ACBD6: variants seen among roughly 807,000 people sequenced by gnomAD.
ACBD6 encodes acyl-CoA-binding domain-containing protein 6.
In ACBD6, 28 loss-of-function variants were observed where a neutral mutation model predicts 37.2. The ratio of observed to expected loss-of-function variants is 0.75; its 90% CI spans 0.56 to 1.03. The LOEUF is 1.03. ACBD6 is among the 50% of genes least tolerant of loss of function. ACBD6 has a pLI of 0.00. For missense variants in ACBD6, 340 were observed against 337.4 expected (o/e 1.01, Z -0.06); for synonymous variants, 113 against 126.8 (o/e 0.89, Z 0.73).
At chr1:180,405,336 G>C (rs1227356206) in intron 5 of ACBD6, among the ~76,000 whole-genome samples, 5 of 152,188 alleles carry the variant, frequency 3.3e-5, no homozygotes, top group Admixed American at 3.3e-4. Flanking sequence ...GTAGTCAAGA[G>C]AAAGGTGACT....
At chr1:180,474,311 T>C (rs946136291) in intron 3 of ACBD6, among the ~76,000 whole-genome samples, 3 of 152,142 alleles carry the variant, frequency 2.0e-5, no homozygotes, top group Non-Finnish European at 4.4e-5. Context: ...TATATTAGAA[T>C]AGCTTAAATA....
chr1:180,447,097 T>C (rs1223142618), intron 3 of ACBD6, among the ~76,000 whole-genome samples: 1 of 152,194 alleles, frequency 6.6e-6, no homozygotes, highest in South Asian at 2.1e-4. Flanking sequence ...TCTAGAAATG[T>C]TGCATAAATG....
intron 3 of ACBD6, among the ~76,000 whole-genome samples, chr1:180,491,746 C>A (rs1651509063): frequency 6.6e-6 from 1 of 152,210 alleles, no homozygotes; most frequent in Non-Finnish European, 1.5e-5. Flanking sequence ...TTCAAAAACT[C>A]TGCAACTCAG....
chr1:180,487,437 CT>C (rs1349200395), intron 3 of ACBD6, among the ~76,000 whole-genome samples: 1 of 152,172 alleles, frequency 6.6e-6, no homozygotes, highest in African/African-American at 2.4e-5. Flanking sequence ...TGCATCCCGC[CT>C]AGAACACAAA....
intron 7 of ACBD6, among the ~76,000 whole-genome samples, chr1:180,309,108 A>C (rs1203003639): frequency 6.6e-6 from 1 of 152,180 alleles, no homozygotes; most frequent in Non-Finnish European, 1.5e-5. Context: ...GGCAATTAAC[A>C]TTATTAGCTT....
intron 5 of ACBD6, among the ~76,000 whole-genome samples, chr1:180,401,549 C>T (rs577306845): frequency 1.3e-5 from 2 of 151,652 alleles, no homozygotes; most frequent in African/African-American, 4.8e-5. Context: ...TTTGGGAGTC[C>T]GAGGAGGGAA....
intron 6 of ACBD6, among the ~76,000 whole-genome samples, chr1:180,325,667 T>C (rs1651231717): frequency 6.6e-6 from 1 of 152,202 alleles, no homozygotes; most frequent in Admixed American, 6.5e-5. Flanking sequence ...GAATTTATTG[T>C]AGTCTTCGCA....
intron 6 of ACBD6, among the ~76,000 whole-genome samples, chr1:180,333,532 G>C (rs549440337): frequency 6.6e-6 from 1 of 152,304 alleles, no homozygotes; most frequent in East Asian, 1.9e-4. Flanking sequence ...TTATCTGCAA[G>C]GATGTTCATG....
chr1:180,502,447 C>G lies in ACBD6; in HGVS notation c.-181G>C, dbSNP rs1368046390. 1.4e-6 allele frequency: 1 copy of G among 693,164 alleles called. No individual in the cohort carries two copies. The highest frequency in any genetic ancestry group is 2.5e-6 in the Non-Finnish European group (1 of 393,230). The allele number at this position is 693,164 out of a possible 1,614,324, so 42.9% of individuals were successfully genotyped here. On this transcript the variant is annotated 5_prime_UTR_variant, in exon 1 of 8. Coordinates refer to ENST00000367595, the MANE Select transcript of ACBD6 (RefSeq NM_032360.4). ...TCCCTGCCCACTTCTACTCCCTGGG[C>G]GTGCAGAGCAGGCTCCTCGACCCTC...
Position 180,502,033 on chromosome 1 carries a change from C to A in ACBD6, c.222+12G>T. The A allele has an allele frequency of 6.2e-7, 1 of 1,612,854 alleles. No homozygotes were observed. The highest frequency in any genetic ancestry group is 1.1e-5 in the South Asian group (1 of 90,668). ...TCTTTCTCCCCCATCCACCCTCTCC[C>A]TGCTACTTTACCTGTTTGTACCTGG... is the stretch of plus-strand genomic sequence containing the variant. On this transcript the variant is annotated intron_variant, in intron 1 of 7. Coordinates refer to ENST00000367595, the MANE Select transcript of ACBD6 (RefSeq NM_032360.4).
intron 9 of ACBD6, among the ~76,000 whole-genome samples, chr1:180,280,199 C>T (rs1375392551): frequency 1.3e-5 from 2 of 152,070 alleles, no homozygotes; most frequent in Non-Finnish European, 2.9e-5. Flanking sequence ...AAGGAAATCT[C>T]ATTCATCACA....
chr1:180,289,788 T>G (rs912950713), intron 7 of ACBD6, among the ~76,000 whole-genome samples: 16 of 152,058 alleles, frequency 1.1e-4, no homozygotes, highest in Non-Finnish European at 2.2e-4. Flanking sequence ...CAAAACATAA[T>G]GTTGAAGGGA....
chr1:180,379,460 G>GCT (rs1381922004), intron 6 of ACBD6, among the ~76,000 whole-genome samples: 1 of 152,010 alleles, frequency 6.6e-6, no homozygotes, highest in Non-Finnish European at 1.5e-5. Context: ...TACTAAATAA[G>GCT]CTCAGTGAAA....
At chr1:180,311,511 C>T (rs536526782) in intron 7 of ACBD6, among the ~76,000 whole-genome samples, 2 of 152,276 alleles carry the variant, frequency 1.3e-5, no homozygotes, top group East Asian at 3.9e-4. Context: ...AATCATGACT[C>T]ACTGCAGCCT....
intron 3 of ACBD6, 67 bp downstream of exon 3, chr1:180,492,202 T>G: frequency 8.5e-7 from 1 of 1,181,874 alleles, no homozygotes; most frequent in Non-Finnish European, 1.3e-6. Flanking sequence ...AGTTTAGTTT[T>G]AGACATTTAT....
chr1:180,479,944 G>A (rs113489328), intron 3 of ACBD6, among the ~76,000 whole-genome samples: 14,387 of 152,012 alleles, frequency 0.095, 902 homozygotes, highest in African/African-American at 0.17. Context: ...AGCAGAGATC[G>A]CACCACTGCA....
chr1:180,365,464 C>T (rs1030454682), intron 6 of ACBD6, among the ~76,000 whole-genome samples: 10 of 152,170 alleles, frequency 6.6e-5, no homozygotes, highest in African/African-American at 2.4e-4. Flanking sequence ...TCAAAAACTC[C>T]ATTTCCAAAC....
intron 6 of ACBD6, among the ~76,000 whole-genome samples, chr1:180,337,759 C>T (rs1426217960): frequency 1.6e-4 from 24 of 152,282 alleles, no homozygotes; most frequent in East Asian, 1.3e-3. Context: ...AAAACCCCAT[C>T]GTCTCAGCCC....
chr1:180,430,747 G>A (rs778732797), intron 3 of ACBD6, among the ~76,000 whole-genome samples: 1 of 150,170 alleles, frequency 6.7e-6, no homozygotes, highest in Non-Finnish European at 1.5e-5. Flanking sequence ...AGGAGGGATA[G>A]GAAAGGAGGT....
Sources: gnomAD v4.1 joint callset for allele counts (sites outside exome capture counted in the v4.1 genomes callset) on GRCh38, gnomAD v4.1.1 for gene constraint, MANE v1.5 for transcripts, NCBI Gene and HGNC (gene_info 2026-07-23, HGNC 2026-07-21) for gene names.